The following HMGCLL1 variants were observed in gnomAD, a reference collection of about 807,000 sequenced individuals.
HMGCLL1 encodes 3-hydroxymethyl-3-methylglutaryl-CoA lyase, cytoplasmic.
HMGCLL1 carries 36 observed loss-of-function variants against 39.1 expected under a neutral mutation model. The observed-to-expected ratio is 0.92, with a 90% CI of 0.71 to 1.22. HMGCLL1 has a LOEUF of 1.22. Among genes scored for constraint, HMGCLL1 ranks in the 50% most tolerant of loss-of-function variants. HMGCLL1 has a pLI of 0.00. For missense variants in HMGCLL1, 451 were observed against 416.5 expected (o/e 1.08, Z -0.72); for synonymous variants, 149 against 144.0 (o/e 1.03, Z -0.25).
chr6:55,514,261 T>C (rs1767620390), intron 4 of HMGCLL1, 65 bp from the exon 5 acceptor site: 1 of 1,292,926 alleles, frequency 7.7e-7, no homozygotes. Flanking sequence ...AGTGGTAGAA[T>C]AAAGATTAAC....
the HMGCLL1 span, among the ~76,000 whole-genome samples, chr6:55,668,503 G>T: frequency 1.3e-5 from 2 of 151,794 alleles, no homozygotes; most frequent in Non-Finnish European, 2.9e-5. Context: ...CTCACTTTAC[G>T]TAACTATAAA....
chr6:55,608,306 A>C, the HMGCLL1 span, among the ~76,000 whole-genome samples: 1 of 152,194 alleles, frequency 6.6e-6, no homozygotes, highest in Non-Finnish European at 1.5e-5. Flanking sequence ...ACACTCTTGC[A>C]CTTGACTCTG....
chr6:55,597,453 G>A, the HMGCLL1 span, among the ~76,000 whole-genome samples: 5 of 151,446 alleles, frequency 3.3e-5, no homozygotes, highest in Admixed American at 6.6e-5. Context: ...TTTCATATCT[G>A]TGTTTAAAAA....
At chr6:55,671,601 T>C in the HMGCLL1 span, among the ~76,000 whole-genome samples, 89 of 151,856 alleles carry the variant, frequency 5.9e-4, no homozygotes, top group African/African-American at 2.0e-3. Flanking sequence ...AACTTAAACT[T>C]GAGATTTTTC....
chr6:55,460,703 T>TTTTAAGTGTTTTAAGTGAA (rs1764523337), intron 7 of HMGCLL1, among the ~76,000 whole-genome samples: 2 of 152,032 alleles, frequency 1.3e-5, no homozygotes, highest in South Asian at 4.1e-4. Flanking sequence ...GCAAAACACT[T>TTTTAAGTGTTTTAAGTGAA]TTCTAAAATA....
At chr6:55,660,111 T>C in the HMGCLL1 span, among the ~76,000 whole-genome samples, 1 of 151,822 alleles carries the variant, frequency 6.6e-6, no homozygotes, top group Non-Finnish European at 1.5e-5. Flanking sequence ...AGCTGAACTA[T>C]CTAATTTATG....
At chr6:55,579,250 G>C (rs1771926751), upstream of HMGCLL1, 1 of 594,016 alleles carries the variant, frequency 1.7e-6, no homozygotes, top group Non-Finnish European at 3.0e-6. Context: ...CCGCGCCTGG[G>C]GCAGCGGGTG....
intron 7 of HMGCLL1, among the ~76,000 whole-genome samples, chr6:55,466,110 C>A (rs941203892): frequency 5.9e-5 from 9 of 152,012 alleles, no homozygotes; most frequent in African/African-American, 2.2e-4. Context: ...CTGAGGCCTA[C>A]TAGTATTGAG....
intron 1 of HMGCLL1, among the ~76,000 whole-genome samples, chr6:55,574,803 T>C (rs1183279001): frequency 6.6e-6 from 1 of 152,004 alleles, no homozygotes; most frequent in Non-Finnish European, 1.5e-5. Context: ...ATATAATACA[T>C]TTAAATTCCA....
the HMGCLL1 span, among the ~76,000 whole-genome samples, chr6:55,631,453 A>G: frequency 6.6e-6 from 1 of 152,056 alleles, no homozygotes; most frequent in South Asian, 2.1e-4. Context: ...AAATAATGCC[A>G]AAAAGACACC....
intron 3 of HMGCLL1, among the ~76,000 whole-genome samples, chr6:55,538,387 A>T (rs1364950330): frequency 3.3e-5 from 5 of 152,158 alleles, no homozygotes; most frequent in African/African-American, 1.2e-4. Flanking sequence ...CAATAATCAA[A>T]TATGTGAAAT....
intron 1 of HMGCLL1, among the ~76,000 whole-genome samples, chr6:55,571,836 T>G (rs918307778): frequency 6.6e-6 from 1 of 151,632 alleles, no homozygotes; most frequent in African/African-American, 2.4e-5. Flanking sequence ...AAATAATAGA[T>G]CAAACATGAT....
At chr6:55,507,943 C>T (rs1052724278) in intron 5 of HMGCLL1, among the ~76,000 whole-genome samples, 2 of 151,308 alleles carry the variant, frequency 1.3e-5, no homozygotes, top group African/African-American at 4.8e-5. Context: ...TTTGGCCTAC[C>T]CACTCAAAAT....
At chr6:55,601,630 C>T in the HMGCLL1 span, among the ~76,000 whole-genome samples, 2 of 152,096 alleles carry the variant, frequency 1.3e-5, no homozygotes, top group Non-Finnish European at 2.9e-5. Flanking sequence ...GTCTACCACA[C>T]AAGGATTCAA....
At position 55,459,418 on chromosome 6, in the gene HMGCLL1, G is replaced by A. The variant is rs576553781; in HGVS notation, c.796-19859C>T. Among the ~76,000 whole-genome samples, 8 of 152,174 alleles carry A rather than the reference G, an allele frequency of 5.3e-5. No individual in the cohort carries two copies. The East Asian group carries it at 1.5e-3, about 29-fold the overall frequency. On this transcript the variant is annotated intron_variant, in intron 7 of 8. Coordinates refer to ENST00000274901, the MANE Select transcript of HMGCLL1 (RefSeq NM_001042406.2). ...ATAGAGGAAATGACATTTGAACTTG[G>A]CCTTGAAAAGTAGGGAGATTCTATG...
chr6:55,495,358 A>G, intron 7 of HMGCLL1, 61 bp downstream of exon 7: 1 of 1,247,136 alleles, frequency 8.0e-7, no homozygotes, highest in Non-Finnish European at 1.1e-6. Context: ...CAGTATGTTT[A>G]TATTACAGAT....
chr6:55,448,718 C>G (rs545117642), intron 7 of HMGCLL1, among the ~76,000 whole-genome samples: 1 of 152,138 alleles, frequency 6.6e-6, no homozygotes, highest in Non-Finnish European at 1.5e-5. Flanking sequence ...CAGCCATCCA[C>G]ATTCTCTAAC....
chr6:55,621,404 G>T, the HMGCLL1 span, among the ~76,000 whole-genome samples: 842 of 152,122 alleles, frequency 5.5e-3, 11 homozygotes, highest in African/African-American at 0.019. Context: ...GGGTGAGTGA[G>T]CAAAGATTCA....
rs139791879 is a variant in HMGCLL1 at position 55,578,523 on chromosome 6, C to T, written c.108+425G>A. On this transcript the variant is annotated intron_variant, in intron 1 of 8. Transcript: ENST00000274901. The stretch of plus-strand genomic sequence containing the variant: ...CTACTATGTCTTCTTAACCTTCTAC[C>T]GGTTTCATTCCTTTTTCTGCCTCAC... Among the ~76,000 whole-genome samples, 224 of 152,212 alleles carry T rather than the reference C, an allele frequency of 1.5e-3. 1 individual carries two copies. The highest frequency in any genetic ancestry group is 5.2e-3 in the African/African-American group (215 of 41,528).
Sources: allele counts gnomAD v4.1 joint callset (sites outside exome capture counted in the v4.1 genomes callset), GRCh38; gene constraint gnomAD v4.1.1; transcripts MANE v1.5; gene names NCBI Gene and HGNC (gene_info 2026-07-23, HGNC 2026-07-21).